RUBCNL: variants seen among roughly 807,000 people sequenced by gnomAD.
RUBCNL encodes the protein protein associated with UVRAG as autophagy enhancer.
RUBCNL carries 62 observed loss-of-function variants against 69.5 expected under a neutral mutation model. That is an observed-to-expected ratio of 0.89 (90% CI 0.73 to 1.10). The LOEUF is 1.10. Among genes scored for constraint, RUBCNL ranks in the 50% least tolerant of loss-of-function variants. The probability of loss-of-function intolerance (pLI) is 0.00; values close to 1 mark genes in which losing one functional copy is unlikely to be tolerated. For synonymous variants in RUBCNL, 291 were observed against 303.6 expected, an observed-to-expected ratio of 0.96 and a Z score of 0.43; for missense variants, 768 against 798.1, an observed-to-expected ratio of 0.96 and a Z score of 0.45.
chr13:46,351,024 A>C (rs1395079726), intron 10 of RUBCNL: 1 of 152,460 alleles, frequency 6.6e-6, no homozygotes, highest in Non-Finnish European at 1.5e-5. Flanking sequence ...GCACTTTGGG[A>C]GGCCAAGATG....
intron 10 of RUBCNL, among the ~76,000 whole-genome samples, chr13:46,355,482 G>A (rs2048465052): frequency 6.6e-6 from 1 of 152,176 alleles, no homozygotes; most frequent in East Asian, 1.9e-4. Flanking sequence ...ATTTTTAGTA[G>A]AGATGTGGTT....
rs879323687 is a variant in RUBCNL, at chr13:46,377,985, T to C, written c.-218A>G. The C allele has an allele frequency of 1.3e-6, 2 of 1,571,230 alleles. No homozygotes were observed. The highest frequency in any genetic ancestry group is 8.6e-7 in the Non-Finnish European group (1 of 1,161,944). ...CCATGCAGTAGTGACAGGAGGTCAA[T>C]ATCCCCATTTTTTATTTTATCTGTA... is the stretch of plus-strand genomic sequence containing the variant. On this transcript the variant is annotated 5_prime_UTR_variant, in exon 2 of 15. In the 5' UTR this introduces an upstream ATG that the reference lacks. Transcript: ENST00000429979.
At position 46,341,407 on chromosome 13, in the gene RUBCNL, C is replaced by T. The variant is rs145551893; in HGVS notation, c.*1978G>A. ...AGATCACTTCCCTAACAGGTGCCTT[C>T]CTGGGAAGAAGCCTCTATTATCACA... is the stretch of plus-strand genomic sequence containing the variant. On this transcript the variant is annotated 3_prime_UTR_variant, in exon 15 of 15. Coordinates refer to ENST00000429979, the MANE Select transcript of RUBCNL (RefSeq NM_025113.5). Among the ~76,000 whole-genome samples the T allele has an allele frequency of 6.4e-3, 971 of 152,306 alleles. 7 individuals carry two copies. The highest frequency in any genetic ancestry group is 0.01 in the Non-Finnish European group (699 of 68,008).
intron 8 of RUBCNL, among the ~76,000 whole-genome samples, chr13:46,360,528 A>G (rs1361984216): frequency 6.6e-6 from 1 of 151,982 alleles, no homozygotes; most frequent in Non-Finnish European, 1.5e-5. Context: ...ATGCCCCTCC[A>G]CTTTTGCTGC....
chr13:46,383,146 T>A (rs183731833), intron 1 of RUBCNL, among the ~76,000 whole-genome samples: 1 of 152,208 alleles, frequency 6.6e-6, no homozygotes, highest in Non-Finnish European at 1.5e-5. Context: ...TACTATTCTA[T>A]GTTTAAGTTT....
At chr13:46,349,436 C>G in intron 11 of RUBCNL, 89 bp from the exon 12 acceptor site, 1 of 1,243,358 alleles carries the variant, frequency 8.0e-7, no homozygotes. Context: ...TATTTCTAAG[C>G]TTGAAATGCT....
In RUBCNL at chr13:46,372,450, T is replaced by C; in HGVS notation, c.26A>G (p.Gln9Arg). ...TTCCCAGGGCTCCACAGGAGAATCC[T>C]GCCTGACTGTAGATTGTGACACCAT... MVSQSTVR[Q>R]DSPVEPWEGI... The change falls in exon 3 of 15, where the codon CAG (glutamine) becomes CGG (arginine). Residue 9 changes from glutamine (Q) to arginine (R), a missense_variant. Physicochemically the swap from Gln to Arg is conservative, Grantham distance 43. Coordinates refer to ENST00000429979, the MANE Select transcript of RUBCNL (RefSeq NM_025113.5). 1 of 1,608,970 alleles carries C rather than the reference T, an allele frequency of 6.2e-7. No individual in the cohort carries two copies. Among genetic ancestry groups the C allele is most frequent in the Non-Finnish European group, 8.5e-7 (1 of 1,177,572 alleles).
At chr13:46,347,760 GGC>G (rs1226432661) in intron 12 of RUBCNL, among the ~76,000 whole-genome samples, 1 of 152,190 alleles carries the variant, frequency 6.6e-6, no homozygotes, top group Non-Finnish European at 1.5e-5. Flanking sequence ...GGGAGGCCGA[GGC>G]GGGCAGATCA....
chr13:46,362,932 A>C (rs1194943014), intron 6 of RUBCNL, among the ~76,000 whole-genome samples, 183 bp downstream of exon 6: 3 of 48,640 alleles, frequency 6.2e-5, no homozygotes, highest in Non-Finnish European at 6.5e-5. Flanking sequence ...TCATATATAT[A>C]TATATAGATA....
At position 46,359,574 on chromosome 13, in the gene RUBCNL, C is replaced by G; in HGVS notation, c.1177G>C (p.Glu393Gln). 2 of 1,592,338 alleles carry G rather than the reference C, an allele frequency of 1.3e-6. No homozygotes were observed. The highest frequency in any genetic ancestry group is 1.7e-6 in the Non-Finnish European group (2 of 1,168,512). ...DFESSMNVVQEIKFKSRIRGT... is the reference protein window; with the variant it reads ...DFESSMNVVQQIKFKSRIRGT... ...CTGATCCTAGACTTAAATTTAATTT[C>G]CTGTACTACATTCATACTGGATTCA... is the stretch of plus-strand genomic sequence containing the variant. The change falls in exon 9 of 15, where the codon GAA becomes CAA. Residue 393 changes from glutamate to glutamine, a missense_variant. Physicochemically the swap from Glu to Gln is conservative, Grantham distance 29 (BLOSUM62 2). Coordinates refer to ENST00000429979, the MANE Select transcript of RUBCNL (RefSeq NM_025113.5).
intron 4 of RUBCNL, 33 bp downstream of exon 4, chr13:46,368,698 ACT>A: frequency 6.5e-7 from 1 of 1,547,992 alleles, no homozygotes; most frequent in South Asian, 1.1e-5. Context: ...AAGGATTAAG[ACT>A]CTATGGTTAA....
rs1323113207 is a variant in RUBCNL, at chr13:46,361,433, ATACT to A, written c.1119+4_1119+7del. 3.1e-6 allele frequency: 5 copies of A among 1,611,592 alleles called. No homozygotes were observed. The highest frequency in any genetic ancestry group is 4.2e-6 in the Non-Finnish European group (5 of 1,179,076). ...TTCAATTCAAGGTCAATTTTTTTTGATACTTACTATCGAGCCAGCTGCACTCAGG... is the reference window on the plus strand; with the variant it reads ...TTCAATTCAAGGTCAATTTTTTTTGATACTATCGAGCCAGCTGCACTCAGG... On this transcript the variant is annotated splice_donor_5th_base_variant and intron_variant, in intron 8 of 14. Coordinates refer to ENST00000429979, the MANE Select transcript of RUBCNL (RefSeq NM_025113.5).
Position 46,335,734 on chromosome 13 carries a change from G to A in RUBCNL, c.*7651C>T, listed in dbSNP as rs2048101441. 1.3e-5 allele frequency among the ~76,000 whole-genome samples: 2 copies of A among 152,200 alleles called. No individual in the cohort carries two copies. Among genetic ancestry groups the A allele is most frequent in the Admixed American group, 1.3e-4 (2 of 15,284 alleles). On this transcript the variant is annotated 3_prime_UTR_variant, in exon 15 of 15. Transcript: ENST00000429979. ...GTAGAGCTGACAGAAGTTACTGATG[G>A]ACTGGATCTGGGGAGTGAGGGAAAG...
intron 10 of RUBCNL, among the ~76,000 whole-genome samples, chr13:46,354,300 T>C (rs1258798589): frequency 6.6e-6 from 1 of 152,208 alleles, no homozygotes; most frequent in African/African-American, 2.4e-5. Flanking sequence ...AATAGGACTG[T>C]ACCCCATGCT....
chr13:46,379,060 A>G (rs1458566047), intron 1 of RUBCNL, among the ~76,000 whole-genome samples: 1 of 152,048 alleles, frequency 6.6e-6, no homozygotes, highest in Non-Finnish European at 1.5e-5. Context: ...TACCCCCCAG[A>G]ATGTTAAATC....
At chr13:46,374,406 G>A (rs1484976822) in intron 2 of RUBCNL, 1 of 152,242 alleles carries the variant, frequency 6.6e-6, no homozygotes, top group African/African-American at 2.4e-5. Context: ...ACCCAGAGGG[G>A]TGCGCCGTTC....
At chr13:46,375,307 T>C (rs1056309384) in intron 2 of RUBCNL, among the ~76,000 whole-genome samples, 118 of 152,104 alleles carry the variant, frequency 7.8e-4, no homozygotes, top group African/African-American at 2.7e-3. Flanking sequence ...CCAAGGCGGG[T>C]GGAGAACCTG....
Position 46,338,154 on chromosome 13 carries a change from G to A in RUBCNL, c.*5231C>T, listed in dbSNP as rs978793024. Among the ~76,000 whole-genome samples the A allele has an allele frequency of 6.6e-6, 1 of 152,200 alleles. No homozygotes were observed. The highest frequency in any genetic ancestry group is 2.1e-4 in the South Asian group (1 of 4,834). The stretch of plus-strand genomic sequence containing the variant: ...CACCACTCCCATCTGCAGAGCCCAT[G>A]CAAGAGTACAAATACAGGTCCACAT... On this transcript the variant is annotated 3_prime_UTR_variant, in exon 15 of 15. Transcript: ENST00000429979.
chr13:46,365,847 G>A (rs555419592), intron 5 of RUBCNL, among the ~76,000 whole-genome samples: 1 of 152,272 alleles, frequency 6.6e-6, no homozygotes, highest in African/African-American at 2.4e-5. Context: ...TTGTGATCCA[G>A]GAAGACAGAT....
Sources: allele counts gnomAD v4.1 joint callset (sites outside exome capture counted in the v4.1 genomes callset), GRCh38; gene constraint gnomAD v4.1.1; transcripts MANE v1.5; gene names NCBI Gene and HGNC (gene_info 2026-07-23, HGNC 2026-07-21).